Variants in SUCLG2 observed in about 807,000 individuals in gnomAD.
SUCLG2 encodes the protein succinate-CoA ligase GDP-forming subunit beta.
In SUCLG2, 42 loss-of-function variants were observed where a neutral mutation model predicts 47.9. The ratio of observed to expected loss-of-function variants is 0.88; its 90% CI spans 0.69 to 1.14. SUCLG2 has a LOEUF of 1.14. Ranked by LOEUF, SUCLG2 falls within the 50% of genes most tolerant of loss-of-function variation. The pLI, the probability that SUCLG2 is intolerant of heterozygous loss-of-function variation, is 0.00. For missense variants in SUCLG2, 571 were observed against 525.9 expected, an observed-to-expected ratio of 1.09 and a Z score of -0.84; for synonymous variants, 195 against 197.3, an observed-to-expected ratio of 0.99 and a Z score of 0.10.
intron 10 of SUCLG2, among the ~76,000 whole-genome samples, chr3:67,367,524 T>G (rs1432347951): frequency 6.6e-6 from 1 of 152,246 alleles, no homozygotes; most frequent in Non-Finnish European, 1.5e-5. Flanking sequence ...ATATTTACTA[T>G]AGTAAATTAA....
intron 2 of SUCLG2, among the ~76,000 whole-genome samples, chr3:67,554,917 T>C (rs1314290986): frequency 1.3e-5 from 2 of 151,988 alleles, no homozygotes; most frequent in Admixed American, 1.3e-4. Context: ...GTAGAAGAAG[T>C]GTTGTGAAGA....
At position 67,375,269 on chromosome 3, in the gene SUCLG2, C is replaced by T. The variant is rs747570070; in HGVS notation, c.*475G>A. ...TATTTGCTTGAATGTCTTAGCAGTG[C>T]CTTTTTAGTAGCTAATATGTTCAGT... On this transcript the variant is annotated 3_prime_UTR_variant, in exon 11 of 11. Coordinates refer to ENST00000307227, the MANE Select transcript of SUCLG2 (RefSeq NM_003848.4). 1.6e-4 allele frequency: 162 copies of T among 985,586 alleles called. No homozygotes were observed. Among genetic ancestry groups the T allele is most frequent in the Middle Eastern group, 1.6e-3 (3 of 1,914 alleles). The allele number at this position is 985,586 out of a possible 1,614,324, so 61.1% of individuals were successfully genotyped here.
At chr3:67,612,511 TAAC>T (rs1172958905) in intron 1 of SUCLG2, among the ~76,000 whole-genome samples, 14 of 152,082 alleles carry the variant, frequency 9.2e-5, no homozygotes, top group Admixed American at 2.0e-4. Context: ...TGAATAATAA[TAAC>T]AATAATAGTT....
intron 2 of SUCLG2, among the ~76,000 whole-genome samples, chr3:67,585,888 A>G (rs187884408): frequency 1.6e-3 from 224 of 144,486 alleles, no homozygotes; most frequent in Non-Finnish European, 2.6e-3. Flanking sequence ...AATCGCTCGA[A>G]CCCAGGAGGT....
intron 1 of SUCLG2, among the ~76,000 whole-genome samples, chr3:67,645,385 G>A (rs922140633): frequency 2.0e-5 from 3 of 151,994 alleles, no homozygotes; most frequent in African/African-American, 4.8e-5. Flanking sequence ...GCCCACCCTC[G>A]CTTAGGACAA....
At chr3:67,498,366 T>C in intron 7 of SUCLG2, 71 bp from the exon 8 acceptor site, 1 of 1,526,378 alleles carries the variant, frequency 6.6e-7, no homozygotes, top group Middle Eastern at 1.8e-4. Context: ...TTCAGGCTGG[T>C]AGGCACAAGC....
intron 9 of SUCLG2, among the ~76,000 whole-genome samples, chr3:67,429,624 T>C (rs1161355973): frequency 1.3e-5 from 2 of 152,160 alleles, no homozygotes; most frequent in Non-Finnish European, 2.9e-5. Context: ...GTAAATGAGC[T>C]AAATGCTCCA....
chr3:67,439,108 AT>A (rs1458719264), intron 9 of SUCLG2, among the ~76,000 whole-genome samples: 1 of 152,230 alleles, frequency 6.6e-6, no homozygotes, highest in East Asian at 1.9e-4. Context: ...AACGTAATCC[AT>A]CACATAAACA....
chr3:67,541,903 T>C (rs1425485366), intron 2 of SUCLG2, among the ~76,000 whole-genome samples: 1 of 151,708 alleles, frequency 6.6e-6, no homozygotes, highest in Non-Finnish European at 1.5e-5. Flanking sequence ...AGTTTTGCTC[T>C]TGTTGCCCAG....
At chr3:67,613,292 A>T (rs147437261) in intron 1 of SUCLG2, among the ~76,000 whole-genome samples, 3 of 152,200 alleles carry the variant, frequency 2.0e-5, no homozygotes, top group Admixed American at 2.0e-4. Context: ...TCCAACCACT[A>T]GTCATCTCAT....
chr3:67,395,501 A>G (rs2106800735), intron 10 of SUCLG2, among the ~76,000 whole-genome samples: 1 of 152,362 alleles, frequency 6.6e-6, no homozygotes, highest in Admixed American at 6.5e-5. Flanking sequence ...CACCCAATAC[A>G]GGAGCACCCA....
At chr3:67,534,375 TA>T (rs1490775129) in intron 2 of SUCLG2, among the ~76,000 whole-genome samples, 1 of 152,108 alleles carries the variant, frequency 6.6e-6, no homozygotes, top group Non-Finnish European at 1.5e-5. Flanking sequence ...TTTTAGTCCC[TA>T]TAAAAATTCC....
chr3:67,386,179 C>T (rs549435290), intron 10 of SUCLG2, among the ~76,000 whole-genome samples: 1 of 152,228 alleles, frequency 6.6e-6, no homozygotes, highest in East Asian at 1.9e-4. Context: ...AGCTCCGCCT[C>T]CCAGGTTCAC....
intron 6 of SUCLG2, among the ~76,000 whole-genome samples, chr3:67,509,472 C>G (rs1705727638): frequency 6.6e-6 from 1 of 152,172 alleles, no homozygotes; most frequent in Admixed American, 6.5e-5. Flanking sequence ...AAGGCATTAA[C>G]CACAAAGGGC....
At chr3:67,556,046 G>T (rs1707151308) in intron 2 of SUCLG2, among the ~76,000 whole-genome samples, 1 of 152,204 alleles carries the variant, frequency 6.6e-6, no homozygotes, top group African/African-American at 2.4e-5. Flanking sequence ...GACACTGGAT[G>T]GATCCAGGTT....
chr3:67,449,913 A>G (rs2106933673), intron 9 of SUCLG2, among the ~76,000 whole-genome samples: 1 of 152,328 alleles, frequency 6.6e-6, no homozygotes, highest in East Asian at 1.9e-4. Flanking sequence ...GCACTCGGCC[A>G]TGCTGAATAT....
At chr3:67,618,947 G>A (rs777534960) in intron 1 of SUCLG2, among the ~76,000 whole-genome samples, 6 of 152,124 alleles carry the variant, frequency 3.9e-5, no homozygotes, top group Non-Finnish European at 7.4e-5. Context: ...ACCAGCGTCC[G>A]AGACCATTTT....
chr3:67,436,977 T>C (rs758492867), intron 9 of SUCLG2, among the ~76,000 whole-genome samples: 9 of 152,124 alleles, frequency 5.9e-5, no homozygotes, highest in Non-Finnish European at 1.3e-4. Flanking sequence ...TTTTGTAAAA[T>C]AATATATGAT....
At chr3:67,479,089 A>G (rs936897647) in intron 9 of SUCLG2, among the ~76,000 whole-genome samples, 5 of 152,248 alleles carry the variant, frequency 3.3e-5, no homozygotes, top group Non-Finnish European at 5.9e-5. Context: ...ATAACATGAT[A>G]TAACCTCAGA....
Sources: gnomAD v4.1 joint callset for allele counts (sites outside exome capture counted in the v4.1 genomes callset) on GRCh38, gnomAD v4.1.1 for gene constraint, MANE v1.5 for transcripts, NCBI Gene and HGNC (gene_info 2026-07-23, HGNC 2026-07-21) for gene names.